Variants in CDC42SE2 observed in about 807,000 individuals in gnomAD.
The protein encoded by CDC42SE2 is CDC42 small effector 2.
CDC42SE2 carries 3 observed loss-of-function variants against 11.5 expected under a neutral mutation model. The observed-to-expected ratio is 0.26, with a 90% CI of 0.12 to 0.67. The LOEUF (loss-of-function observed/expected upper bound fraction) is 0.67. Ranked by LOEUF, CDC42SE2 falls within the 30% of genes least tolerant of loss-of-function variation. The pLI is 0.80. For missense variants in CDC42SE2, 82 were observed against 106.8 expected, an observed-to-expected ratio of 0.77 and a Z score of 1.02; for synonymous variants, 33 against 34.8, an observed-to-expected ratio of 0.95 and a Z score of 0.18.
intron 3 of CDC42SE2, among the ~76,000 whole-genome samples, chr5:131,385,202 CTG>C (rs1177839899): frequency 6.6e-6 from 1 of 152,208 alleles, no homozygotes; most frequent in African/African-American, 2.4e-5. Flanking sequence ...ATTCAAACCA[CTG>C]TGTTCTTTGC....
At chr5:131,304,390 A>G (rs1475945225) in intron 1 of CDC42SE2, among the ~76,000 whole-genome samples, 1 of 152,150 alleles carries the variant, frequency 6.6e-6, no homozygotes, top group Non-Finnish European at 1.5e-5. Flanking sequence ...ATTTAATATG[A>G]TACAAAAAGC....
At chr5:131,219,816 A>G in the CDC42SE2 span, among the ~76,000 whole-genome samples, 4 of 152,162 alleles carry the variant, frequency 2.6e-5, no homozygotes, top group Non-Finnish European at 5.9e-5. Flanking sequence ...ATGTGCCTGT[A>G]GTCCTGGCTA....
At chr5:131,214,043 T>C in the CDC42SE2 span, among the ~76,000 whole-genome samples, 8 of 152,198 alleles carry the variant, frequency 5.3e-5, no homozygotes, top group Non-Finnish European at 1.0e-4. Context: ...AAGTAGGCAA[T>C]TGCAATGAAA....
At position 131,327,590 on chromosome 5, in the gene CDC42SE2, A is replaced by G. The variant is rs946663578; in HGVS notation, c.-286+11446A>G. ...AAATTCTAAGTTTAAAGTTACTTTAATTCAAAACTTTTAAAATACAGGTCA... is the reference window on the plus strand; with the variant it reads ...AAATTCTAAGTTTAAAGTTACTTTAGTTCAAAACTTTTAAAATACAGGTCA... On this transcript the variant is annotated intron_variant, in intron 2 of 4. Coordinates refer to ENST00000505065, the MANE Select transcript of CDC42SE2 (RefSeq NM_001375635.1). Among the ~76,000 whole-genome samples, 4 of 152,344 alleles carry G rather than the reference A, an allele frequency of 2.6e-5. No individual in the cohort carries two copies. In the South Asian group the frequency reaches 8.3e-4, roughly 32 times the overall value.
At chr5:131,274,692 C>T (rs1757066268) in intron 1 of CDC42SE2, among the ~76,000 whole-genome samples, 1 of 152,162 alleles carries the variant, frequency 6.6e-6, no homozygotes, top group South Asian at 2.1e-4. Context: ...ATCGTCTGTA[C>T]GTCCTGCTTG....
chr5:131,295,020 G>A (rs1185766509), intron 1 of CDC42SE2, among the ~76,000 whole-genome samples: 2 of 152,030 alleles, frequency 1.3e-5, no homozygotes, highest in East Asian at 1.9e-4. Flanking sequence ...CCAGCTACTC[G>A]GGAGGCTGAA....
intron 1 of CDC42SE2, among the ~76,000 whole-genome samples, chr5:131,271,172 C>T (rs952417470): frequency 2.0e-5 from 3 of 152,060 alleles, no homozygotes; most frequent in Non-Finnish European, 4.4e-5. Context: ...TCACTTTGCC[C>T]AGGGTGAGAT....
At chr5:131,307,908 G>A (rs529504011) in intron 1 of CDC42SE2, among the ~76,000 whole-genome samples, 14 of 152,258 alleles carry the variant, frequency 9.2e-5, no homozygotes, top group African/African-American at 3.4e-4. Context: ...ACTTTTTGAT[G>A]GGGTTGTTTG....
intron 2 of CDC42SE2, among the ~76,000 whole-genome samples, chr5:131,340,489 A>G (rs1758685949): frequency 6.6e-6 from 1 of 152,186 alleles, no homozygotes; most frequent in South Asian, 2.1e-4. Context: ...GAACTACTGT[A>G]TAGATATTCT....
intron 4 of CDC42SE2, among the ~76,000 whole-genome samples, chr5:131,386,063 T>TATAA (rs1163649987): frequency 6.6e-6 from 1 of 152,228 alleles, no homozygotes; most frequent in East Asian, 1.9e-4. Context: ...TGCTTTACTT[T>TATAA]ATAAACCAGT....
intron 2 of CDC42SE2, among the ~76,000 whole-genome samples, chr5:131,348,787 A>G (rs1177503788): frequency 3.9e-5 from 6 of 152,240 alleles, no homozygotes; most frequent in Admixed American, 3.9e-4. Context: ...CTGGTACCAA[A>G]ACAAAGATAT....
chr5:131,258,365 TG>T (rs1356483734), intron 2 of CDC42SE2, among the ~76,000 whole-genome samples: 3 of 152,148 alleles, frequency 2.0e-5, no homozygotes, highest in Non-Finnish European at 2.9e-5. Context: ...TATGTAAAAT[TG>T]GTATTACTTG....
chr5:131,216,522 AC>A, the CDC42SE2 span, among the ~76,000 whole-genome samples: 69 of 151,188 alleles, frequency 4.6e-4, no homozygotes, highest in South Asian at 8.3e-4. Flanking sequence ...AAAAAAAAAA[AC>A]ATTATAGACT....
intron 2 of CDC42SE2, among the ~76,000 whole-genome samples, chr5:131,335,975 G>A (rs919426481): frequency 6.6e-6 from 1 of 152,144 alleles, no homozygotes. Flanking sequence ...TACATTTAAG[G>A]TTAGTATTGT....
intron 4 of CDC42SE2, among the ~76,000 whole-genome samples, chr5:131,389,702 C>CA (rs1750591292): frequency 6.6e-6 from 1 of 152,170 alleles, no homozygotes; most frequent in African/African-American, 2.4e-5. Flanking sequence ...AGTAGGTGCT[C>CA]AGTAAGTATT....
the CDC42SE2 span, among the ~76,000 whole-genome samples, chr5:131,236,281 T>C: frequency 6.6e-6 from 1 of 152,192 alleles, no homozygotes; most frequent in African/African-American, 2.4e-5. Context: ...TAGAAGGGCC[T>C]TCATCACTTC....
At chr5:131,261,715 T>C (rs928484089), upstream of CDC42SE2, 1 of 152,192 alleles carries the variant, frequency 6.6e-6, no homozygotes, top group Admixed American at 6.6e-5. Flanking sequence ...CTAGGTGTAG[T>C]AGTGTGCGTT....
At chr5:131,374,116 T>TACAAAACAAA (rs536168099) in intron 3 of CDC42SE2, among the ~76,000 whole-genome samples, 3 of 151,962 alleles carry the variant, frequency 2.0e-5, no homozygotes, top group African/African-American at 7.3e-5. Context: ...TTCCCTGAAC[T>TACAAAACAAA]ACAAAACAAA....
rs1219113964 is a variant in CDC42SE2 at position 131,392,856 on chromosome 5, G to C, written c.*1765G>C. ...TAACTGCAGACCTCCAGAGTCACTG[G>C]CCTTTCTGTGCTCTACATATTATTT... is the stretch of plus-strand genomic sequence containing the variant. On this transcript the variant is annotated 3_prime_UTR_variant, in exon 5 of 5. Coordinates refer to ENST00000505065, the MANE Select transcript of CDC42SE2 (RefSeq NM_001375635.1). 1 of 152,294 alleles carries C rather than the reference G, an allele frequency of 6.6e-6. No homozygotes were observed. Among genetic ancestry groups the C allele is most frequent in the Non-Finnish European group, 1.5e-5 (1 of 68,044 alleles). The allele number at this position is 152,294 out of a possible 1,614,324, so 9.4% of individuals were successfully genotyped here. A position where few individuals can be genotyped will look rare whatever the true frequency, so the allele number is the denominator to read the frequency against.
Sources: allele counts gnomAD v4.1 joint callset (sites outside exome capture counted in the v4.1 genomes callset), GRCh38; gene constraint gnomAD v4.1.1; transcripts MANE v1.5; gene names NCBI Gene and HGNC (gene_info 2026-07-23, HGNC 2026-07-21).